ADAMTS19: variants seen among roughly 807,000 people sequenced by gnomAD.
ADAMTS19 encodes the protein A disintegrin and metalloproteinase with thrombospondin motifs 19.
ADAMTS19 carries 93 observed loss-of-function variants against 153.3 expected under a neutral mutation model. The ratio of observed to expected loss-of-function variants is 0.61; its 90% CI spans 0.51 to 0.72. ADAMTS19 has a LOEUF of 0.72. Ranked by LOEUF, ADAMTS19 falls within the 30% of genes least tolerant of loss-of-function variation. ADAMTS19 has a pLI of 0.00. For synonymous variants in ADAMTS19, 600 were observed against 556.6 expected (o/e 1.08, Z -1.10); for missense variants, 1,482 against 1,552.1 (o/e 0.95, Z 0.76).
chr5:129,735,656 A>G (rs1366604253), intron 22 of ADAMTS19, among the ~76,000 whole-genome samples: 2 of 152,090 alleles, frequency 1.3e-5, no homozygotes, highest in African/African-American at 2.4e-5. Flanking sequence ...AATATTGACT[A>G]TATTGATATT....
intron 7 of ADAMTS19, among the ~76,000 whole-genome samples, chr5:129,582,977 G>T (rs181465798): frequency 2.6e-5 from 4 of 152,158 alleles, no homozygotes; most frequent in Admixed American, 2.6e-4. Context: ...TATTTTGCCC[G>T]TTATTTGATG....
chr5:129,676,998 G>A (rs573535756), intron 16 of ADAMTS19, among the ~76,000 whole-genome samples: 1 of 152,166 alleles, frequency 6.6e-6, no homozygotes, highest in African/African-American at 2.4e-5. Context: ...GAAAAAAATG[G>A]AATTGTACCG....
chr5:129,652,897 T>C (rs531545799), intron 13 of ADAMTS19, among the ~76,000 whole-genome samples: 4 of 152,302 alleles, frequency 2.6e-5, no homozygotes, highest in East Asian at 1.9e-4. Context: ...TAAGCAGTCA[T>C]TGAATAAACA....
chr5:129,502,005 G>T (rs1393084042), intron 2 of ADAMTS19, among the ~76,000 whole-genome samples: 1 of 152,052 alleles, frequency 6.6e-6, no homozygotes, highest in Non-Finnish European at 1.5e-5. Context: ...TAATCTTGAA[G>T]GGTGGCGGTG....
At chr5:129,481,249 G>A (rs1314021576) in intron 2 of ADAMTS19, among the ~76,000 whole-genome samples, 2 of 152,174 alleles carry the variant, frequency 1.3e-5, no homozygotes, top group African/African-American at 4.8e-5. Context: ...AGGAGAGAGA[G>A]ACAGAGAGTG....
intron 3 of ADAMTS19, among the ~76,000 whole-genome samples, chr5:129,522,890 T>G (rs928435541): frequency 6.6e-6 from 1 of 151,950 alleles, no homozygotes. Flanking sequence ...ACCCTGTCTC[T>G]ACAAAAACTA....
intron 7 of ADAMTS19, among the ~76,000 whole-genome samples, chr5:129,586,233 C>T (rs568214670): frequency 6.6e-6 from 1 of 152,154 alleles, no homozygotes; most frequent in Non-Finnish European, 1.5e-5. Context: ...ATTTTAAATT[C>T]TATGGGTTTA....
chr5:129,716,136 G>C (rs1258010936), intron 21 of ADAMTS19, among the ~76,000 whole-genome samples: 1 of 152,104 alleles, frequency 6.6e-6, no homozygotes, highest in Non-Finnish European at 1.5e-5. Context: ...TCAAACTTCA[G>C]CTGCCCTAGG....
intron 15 of ADAMTS19, among the ~76,000 whole-genome samples, chr5:129,663,192 C>T (rs1339851768): frequency 6.6e-6 from 1 of 152,112 alleles, no homozygotes; most frequent in Non-Finnish European, 1.5e-5. Context: ...CCACGCCCGG[C>T]CCCATTCCTT....
At chr5:129,487,793 G>A (rs1394658545) in intron 2 of ADAMTS19, among the ~76,000 whole-genome samples, 2 of 151,982 alleles carry the variant, frequency 1.3e-5, no homozygotes, top group Non-Finnish European at 2.9e-5. Flanking sequence ...AGAGGTCTGT[G>A]GCATTACTAA....
intron 3 of ADAMTS19, among the ~76,000 whole-genome samples, chr5:129,513,923 C>T (rs956115764): frequency 6.6e-6 from 1 of 151,940 alleles, no homozygotes; most frequent in African/African-American, 2.4e-5. Flanking sequence ...CCATCCCCAC[C>T]TCCCCTCAAA....
chr5:129,658,347 A>AAGAAAGAAAGAGAGAGAGAGAGAG (rs1753665821), intron 14 of ADAMTS19, among the ~76,000 whole-genome samples: 11 of 116,044 alleles, frequency 9.5e-5, no homozygotes, highest in African/African-American at 2.9e-4. Context: ...GAAAGAAAGA[A>AAGAAAGAAAGAGAGAGAGAGAGAG]AGAAAGAAAG....
chr5:129,579,189 C>T (rs1412046965), intron 7 of ADAMTS19, among the ~76,000 whole-genome samples: 1 of 152,146 alleles, frequency 6.6e-6, no homozygotes. Flanking sequence ...TCTCTAATGA[C>T]CAGTGGTGAT....
chr5:129,549,083 GAGTT>G (rs1444600046), intron 6 of ADAMTS19, among the ~76,000 whole-genome samples: 1 of 147,442 alleles, frequency 6.8e-6, no homozygotes, highest in Non-Finnish European at 1.5e-5. Flanking sequence ...GCTAAATGAC[GAGTT>G]AATGGGTGCA....
At position 129,611,727 on chromosome 5, in the gene ADAMTS19, C is replaced by G. The variant is rs1751228010; in HGVS notation, c.1479-8891C>G. Among the ~76,000 whole-genome samples, 4 of 152,004 alleles carry G rather than the reference C, an allele frequency of 2.6e-5. No homozygotes were observed. The South Asian group carries it at 8.3e-4, about 31-fold the overall frequency. On this transcript the variant is annotated intron_variant, in intron 8 of 22. Transcript: ENST00000274487. ...TAGTTTGAAGTCAGGTAGTGTGATGCCTCCAGCTGTGTTTCTTTTGGAAAG... is the reference window on the plus strand; with the variant it reads ...TAGTTTGAAGTCAGGTAGTGTGATGGCTCCAGCTGTGTTTCTTTTGGAAAG...
chr5:129,569,491 T>C (rs1226354174), intron 7 of ADAMTS19, among the ~76,000 whole-genome samples: 2 of 152,082 alleles, frequency 1.3e-5, no homozygotes, highest in Non-Finnish European at 2.9e-5. Context: ...TACACACTGC[T>C]CCACCCAACC....
Position 129,461,112 on chromosome 5 carries a change from C to A in ADAMTS19, c.102C>A (p.Phe34Leu). The A allele has an allele frequency of 7.1e-7, 1 of 1,415,294 alleles. No individual in the cohort carries two copies. Among genetic ancestry groups the A allele is most frequent in the Non-Finnish European group, 9.2e-7 (1 of 1,083,414 alleles). 87.7% of individuals were successfully genotyped at this position (1,415,294 alleles called of 1,614,324 possible). A position where few individuals can be genotyped will look rare whatever the true frequency, so the allele number is the denominator to read the frequency against. ...LSNGIVSELQ[F>L]APDREEWEVV... ...CTGCCCCGCCCGCAGAGCTGCAGTT[C>A]GCCCCCGACCGCGAGGAGTGGGAAG... The change falls in exon 2 of 23, where the codon TTC (phenylalanine) becomes TTA (leucine). Residue 34 changes from phenylalanine to leucine, a missense_variant. Coordinates refer to ENST00000274487, the MANE Select transcript of ADAMTS19 (RefSeq NM_133638.6). The surrounding 1 kb of genome is among the most constrained non-coding windows in gnomAD (Gnocchi z 4.6).
chr5:129,474,147 T>C (rs1409032504), intron 2 of ADAMTS19, among the ~76,000 whole-genome samples: 1 of 152,178 alleles, frequency 6.6e-6, no homozygotes, highest in Non-Finnish European at 1.5e-5. Flanking sequence ...TGTAATCATA[T>C]AAAATTTGGT....
intron 13 of ADAMTS19, among the ~76,000 whole-genome samples, chr5:129,653,439 A>C (rs1753403695): frequency 6.6e-6 from 1 of 152,160 alleles, no homozygotes; most frequent in Non-Finnish European, 1.5e-5. Context: ...TCTGAGCCTA[A>C]AAGGCAAGTG....
Sources: allele counts gnomAD v4.1 joint callset (sites outside exome capture counted in the v4.1 genomes callset), GRCh38; gene constraint gnomAD v4.1.1; non-coding constraint Gnocchi (gnomAD v3.1); transcripts MANE v1.5; gene names NCBI Gene and HGNC (gene_info 2026-07-23, HGNC 2026-07-21).